OCA2: variants seen among roughly 807,000 people sequenced by gnomAD.
The protein encoded by OCA2 is P protein.
In OCA2, 77 loss-of-function variants were observed where a neutral mutation model predicts 100.2. The observed-to-expected ratio is 0.77, with a 90% CI of 0.64 to 0.93. The LOEUF is 0.93. Ranked by LOEUF, OCA2 falls within the 40% of genes least tolerant of loss-of-function variation. The probability of loss-of-function intolerance (pLI) is 0.00; values close to 1 mark genes in which losing one functional copy is unlikely to be tolerated. For synonymous variants in OCA2, 432 were observed against 439.2 expected, an observed-to-expected ratio of 0.98 and a Z score of 0.21; for missense variants, 1,062 against 1,089.1, an observed-to-expected ratio of 0.98 and a Z score of 0.35.
chr15:27,851,316 G>A, intron 22 of OCA2, 66 bp downstream of exon 22: 1 of 1,288,146 alleles, frequency 7.8e-7, no homozygotes, highest in Non-Finnish European at 1.1e-6. Flanking sequence ...CACACTAACT[G>A]TTGCTTTGGG....
At chr15:28,002,231 T>C (rs1207667604) in intron 9 of OCA2, among the ~76,000 whole-genome samples, 1 of 152,178 alleles carries the variant, frequency 6.6e-6, no homozygotes. Context: ...TCAGAAAATA[T>C]ACCTAACCAA....
At chr15:27,728,520 T>C in the OCA2 span, among the ~76,000 whole-genome samples, 1 of 152,194 alleles carries the variant, frequency 6.6e-6, no homozygotes, top group Admixed American at 6.5e-5. Flanking sequence ...CGGCGCAAGC[T>C]GGCACTGTTC....
intron 2 of OCA2, among the ~76,000 whole-genome samples, chr15:28,070,234 C>T (rs1184612057): frequency 7.5e-6 from 1 of 132,684 alleles, no homozygotes; most frequent in Non-Finnish European, 1.5e-5. Context: ...AGTGAGGAGC[C>T]TCTCCGCCCG....
chr15:28,072,774 C>T (rs902807994), intron 2 of OCA2, among the ~76,000 whole-genome samples: 1 of 152,036 alleles, frequency 6.6e-6, no homozygotes, highest in Non-Finnish European at 1.5e-5. Context: ...GTCAGAATGG[C>T]TATTATTTTA....
At chr15:27,812,913 T>G (rs1313938460) in intron 23 of OCA2, among the ~76,000 whole-genome samples, 1 of 152,014 alleles carries the variant, frequency 6.6e-6, no homozygotes, top group African/African-American at 2.4e-5. Flanking sequence ...CCCTCCTCCA[T>G]CACAGACCTC....
At chr15:28,000,947 A>C (rs2041905661) in intron 9 of OCA2, among the ~76,000 whole-genome samples, 1 of 152,218 alleles carries the variant, frequency 6.6e-6, no homozygotes, top group African/African-American at 2.4e-5. Flanking sequence ...GTTATCAAAA[A>C]CACAGGAGAT....
chr15:27,820,917 T>C (rs1566991084), intron 23 of OCA2, among the ~76,000 whole-genome samples: 1 of 152,174 alleles, frequency 6.6e-6, no homozygotes, highest in Non-Finnish European at 1.5e-5. Flanking sequence ...GTCATCAAGA[T>C]GGCATGTGAG....
chr15:27,974,305 C>G (rs188154994), intron 14 of OCA2, among the ~76,000 whole-genome samples: 1 of 152,244 alleles, frequency 6.6e-6, no homozygotes, highest in Admixed American at 6.5e-5. Flanking sequence ...GTAAACAATG[C>G]AAAATAAATA....
intron 14 of OCA2, 114 bp downstream of exon 14, chr15:27,983,231 T>G: frequency 7.7e-7 from 1 of 1,297,146 alleles, no homozygotes. Flanking sequence ...GCACTTACTG[T>G]GAAGAGGTGG....
intron 23 of OCA2, among the ~76,000 whole-genome samples, chr15:27,768,198 T>C (rs2031428996): frequency 1.3e-5 from 2 of 152,224 alleles, no homozygotes; most frequent in Non-Finnish European, 1.5e-5. Flanking sequence ...TCCACCGCCC[T>C]ACAGGGACCA....
chr15:28,074,003 GACAC>G (rs10534274), intron 2 of OCA2, among the ~76,000 whole-genome samples: 11,519 of 146,234 alleles, frequency 0.079, 1,344 homozygotes, highest in African/African-American at 0.25. Flanking sequence ...ATGACAGACA[GACAC>G]ACACACACAC....
chr15:27,952,310 C>T (rs2040059164), intron 17 of OCA2, among the ~76,000 whole-genome samples: 1 of 152,234 alleles, frequency 6.6e-6, no homozygotes. Context: ...ACACGACATG[C>T]ATGAGGCCCC....
the OCA2 span, among the ~76,000 whole-genome samples, chr15:27,739,404 A>T: frequency 6.7e-6 from 1 of 149,212 alleles, no homozygotes; most frequent in African/African-American, 2.5e-5. Context: ...CCTGCTGATC[A>T]TTACACTTAC....
At chr15:28,080,127 C>T (rs2044572444) in intron 2 of OCA2, among the ~76,000 whole-genome samples, 1 of 152,226 alleles carries the variant, frequency 6.6e-6, no homozygotes, top group East Asian at 1.9e-4. Context: ...CCTCCCCATG[C>T]ACAGGCCACA....
chr15:27,933,363 G>A (rs1341710643), intron 18 of OCA2, among the ~76,000 whole-genome samples: 1 of 134,720 alleles, frequency 7.4e-6, no homozygotes, highest in African/African-American at 2.7e-5. Flanking sequence ...GAGATTACCA[G>A]GGGTGGGCAG....
chr15:27,978,714 T>C (rs1050221477), intron 14 of OCA2, among the ~76,000 whole-genome samples: 1 of 151,574 alleles, frequency 6.6e-6, no homozygotes, highest in Non-Finnish European at 1.5e-5. Context: ...TGAGACGGAG[T>C]TTCACTCGTC....
chr15:27,757,428 T>G (rs533410478), intron 23 of OCA2, among the ~76,000 whole-genome samples: 16 of 152,276 alleles, frequency 1.1e-4, no homozygotes, highest in African/African-American at 3.1e-4. Context: ...CCCTATTATA[T>G]AGATGAAGCA....
intron 21 of OCA2, among the ~76,000 whole-genome samples, chr15:27,860,873 G>A (rs2036105164): frequency 6.6e-6 from 1 of 152,198 alleles, no homozygotes; most frequent in South Asian, 2.1e-4. Context: ...AGTGAAGTCA[G>A]CAGAGAGAAG....
chr15:27,903,717 T>C (rs965692546), intron 19 of OCA2, among the ~76,000 whole-genome samples: 1 of 152,174 alleles, frequency 6.6e-6, no homozygotes, highest in Non-Finnish European at 1.5e-5. Flanking sequence ...GAACCCCAGG[T>C]CCTGGTTTTT....
Sources: allele counts gnomAD v4.1 joint callset (sites outside exome capture counted in the v4.1 genomes callset), GRCh38; gene constraint gnomAD v4.1.1; transcripts MANE v1.5; gene names NCBI Gene and HGNC (gene_info 2026-07-23, HGNC 2026-07-21).